Variants in EPB41L3 observed in about 807,000 individuals in gnomAD.
The protein encoded by EPB41L3 is erythrocyte membrane protein band 4.1 like 3, also known as band 4.1-like protein 3.
EPB41L3 carries 57 observed loss-of-function variants against 127.1 expected under a neutral mutation model. That is an observed-to-expected ratio of 0.45 (90% CI 0.36 to 0.56). EPB41L3 has a LOEUF of 0.56. Among genes scored for constraint, EPB41L3 ranks in the 20% least tolerant of loss-of-function variants. EPB41L3 has a pLI of 0.00. For synonymous variants in EPB41L3, 572 were observed against 549.5 expected (o/e 1.04, Z -0.57); for missense variants, 1,273 against 1,372.2 (o/e 0.93, Z 1.14).
At chr18:5,608,026 A>C (rs1308758939) in intron 3 of EPB41L3, among the ~76,000 whole-genome samples, 1 of 152,200 alleles carries the variant, frequency 6.6e-6, no homozygotes, top group Non-Finnish European at 1.5e-5. Flanking sequence ...TCTACTGCTC[A>C]GTGGCCTCTG....
chr18:5,613,319 A>T (rs1486382029), intron 2 of EPB41L3, among the ~76,000 whole-genome samples: 1 of 152,230 alleles, frequency 6.6e-6, no homozygotes, highest in Non-Finnish European at 1.5e-5. Context: ...TGAGAAACAC[A>T]AAGCCGTGTC....
intron 11 of EPB41L3, among the ~76,000 whole-genome samples, chr18:5,421,845 G>C (rs956490044): frequency 1.3e-5 from 2 of 151,928 alleles, no homozygotes; most frequent in Non-Finnish European, 2.9e-5. Flanking sequence ...TGGTGGTGAC[G>C]GATAAAAAAC....
intron 1 of EPB41L3, among the ~76,000 whole-genome samples, chr18:5,505,266 T>A (rs984893375): frequency 6.6e-6 from 1 of 152,016 alleles, no homozygotes; most frequent in Non-Finnish European, 1.5e-5. Flanking sequence ...AATCAATCCA[T>A]CCTCCCAGAG....
At chr18:5,558,750 A>G (rs1415077082) in intron 3 of EPB41L3, among the ~76,000 whole-genome samples, 1 of 152,214 alleles carries the variant, frequency 6.6e-6, no homozygotes, top group Non-Finnish European at 1.5e-5. Flanking sequence ...AGCTCCTCCA[A>G]TTGTGCCTAA....
At chr18:5,447,061 G>C (rs532545798) in intron 3 of EPB41L3, among the ~76,000 whole-genome samples, 1 of 152,330 alleles carries the variant, frequency 6.6e-6, no homozygotes, top group East Asian at 1.9e-4. Flanking sequence ...GCAGTTGGAT[G>C]AGAGAGGCAG....
At chr18:5,407,673 G>GT in intron 15 of EPB41L3, 28 bp downstream of exon 15, 1 of 1,611,348 alleles carries the variant, frequency 6.2e-7, no homozygotes, top group Non-Finnish European at 8.5e-7. Context: ...TGTTGTTGTT[G>GT]TTGTTTGTTT....
chr18:5,440,750 T>G (rs757188198), intron 5 of EPB41L3, among the ~76,000 whole-genome samples: 1 of 152,234 alleles, frequency 6.6e-6, no homozygotes, highest in Admixed American at 6.5e-5. Flanking sequence ...ATATGCTCTA[T>G]GTCATAAAAT....
intron 3 of EPB41L3, among the ~76,000 whole-genome samples, chr18:5,595,483 C>T (rs1214998291): frequency 6.6e-6 from 1 of 152,106 alleles, no homozygotes; most frequent in Non-Finnish European, 1.5e-5. Context: ...AGCTCCTGTA[C>T]CTCCTCTCCA....
intron 11 of EPB41L3, among the ~76,000 whole-genome samples, chr18:5,421,981 T>TA (rs1417241553): frequency 3.9e-5 from 6 of 152,196 alleles, no homozygotes; most frequent in Non-Finnish European, 5.9e-5. Flanking sequence ...ACTGAAATTT[T>TA]AAAAAAATGT....
At chr18:5,622,924 CAG>C (rs1459237858) in intron 1 of EPB41L3, among the ~76,000 whole-genome samples, 1 of 138,164 alleles carries the variant, frequency 7.2e-6, no homozygotes, top group Non-Finnish European at 1.5e-5. Context: ...GTTACAGAGA[CAG>C]AGAGATTTGT....
intron 1 of EPB41L3, among the ~76,000 whole-genome samples, chr18:5,523,867 C>T (rs2093104553): frequency 6.6e-6 from 1 of 151,588 alleles, no homozygotes; most frequent in Admixed American, 6.6e-5. Context: ...TTTTAAAAAC[C>T]TTTTTTAAAA....
At chr18:5,440,693 A>G (rs1598961375) in intron 5 of EPB41L3, among the ~76,000 whole-genome samples, 1 of 152,248 alleles carries the variant, frequency 6.6e-6, no homozygotes, top group East Asian at 1.9e-4. Flanking sequence ...ATGCCAGACA[A>G]ATCTTAAAAT....
chr18:5,459,977 T>G (rs1182330599), intron 3 of EPB41L3, among the ~76,000 whole-genome samples: 1 of 152,196 alleles, frequency 6.6e-6, no homozygotes, highest in Non-Finnish European at 1.5e-5. Flanking sequence ...ATGCTGAGGT[T>G]TGGGGTACAG....
chr18:5,450,788 G>T (rs2082187857), intron 3 of EPB41L3, among the ~76,000 whole-genome samples: 1 of 152,096 alleles, frequency 6.6e-6, no homozygotes, highest in Non-Finnish European at 1.5e-5. Context: ...AAATTAACTT[G>T]CCTAAGAAAC....
At chr18:5,524,656 C>A (rs1444884304) in intron 1 of EPB41L3, among the ~76,000 whole-genome samples, 1 of 152,216 alleles carries the variant, frequency 6.6e-6, no homozygotes, top group Non-Finnish European at 1.5e-5. Context: ...AATCTCTCTT[C>A]TTGGCATCTT....
At chr18:5,499,797 T>C (rs2091559642) in intron 1 of EPB41L3, among the ~76,000 whole-genome samples, 1 of 138,534 alleles carries the variant, frequency 7.2e-6, no homozygotes, top group Admixed American at 7.5e-5. Flanking sequence ...TTTTAAAGAC[T>C]ATATTCCCTA....
Position 5,419,825 on chromosome 18 carries a change from C to G in EPB41L3, c.1392G>C (p.Leu464Phe). 3.1e-6 allele frequency: 5 copies of G among 1,614,216 alleles called. No homozygotes were observed. Among genetic ancestry groups the G allele is most frequent in the Non-Finnish European group, 1.7e-6 (2 of 1,180,046 alleles). ...TCTTCTCCGGAGTCACAGTGGTGAT[C>G]AAGTTGGTCTGAGAGATGCCTTTTG... ...ATTKGISQTNLITTVTPEKKA... is the reference protein window; with the variant it reads ...ATTKGISQTNFITTVTPEKKA... Residue 464 changes from leucine (L) to phenylalanine (F), a missense_variant, in exon 12 of 23, where the codon TTG (leucine) becomes TTC (phenylalanine). Leu to Phe is a conservative substitution (Grantham distance 22). Transcript: ENST00000341928.
At chr18:5,542,320 C>T (rs1429000335) in intron 1 of EPB41L3, among the ~76,000 whole-genome samples, 1 of 152,016 alleles carries the variant, frequency 6.6e-6, no homozygotes, top group Non-Finnish European at 1.5e-5. Context: ...TTTTTGTTTC[C>T]TTGAGACTTT....
intron 3 of EPB41L3, among the ~76,000 whole-genome samples, chr18:5,573,029 A>C (rs1054486676): frequency 1.3e-5 from 2 of 152,188 alleles, no homozygotes; most frequent in Non-Finnish European, 2.9e-5. Flanking sequence ...GAAATAAAGG[A>C]TGTCTCACTC....
Sources: allele counts gnomAD v4.1 joint callset (sites outside exome capture counted in the v4.1 genomes callset), GRCh38; gene constraint gnomAD v4.1.1; transcripts MANE v1.5; gene names NCBI Gene and HGNC (gene_info 2026-07-23, HGNC 2026-07-21).